The following COL5A2 variants were observed in gnomAD, a reference collection of about 807,000 sequenced individuals.
The protein encoded by COL5A2 is collagen alpha-2(V) chain.
COL5A2 carries 23 observed loss-of-function variants against 208.2 expected under a neutral mutation model. That is an observed-to-expected ratio of 0.11 (90% CI 0.08 to 0.16). The LOEUF (loss-of-function observed/expected upper bound fraction) is 0.16. Among genes scored for constraint, COL5A2 ranks in the 10% least tolerant of loss-of-function variants. The pLI is 1.00. For missense variants in COL5A2, 1,590 were observed against 1,956.4 expected, an observed-to-expected ratio of 0.81 and a Z score of 3.53; for synonymous variants, 625 against 628.5, an observed-to-expected ratio of 0.99 and a Z score of 0.08.
At chr2:189,172,260 T>C (rs1010874185) in intron 1 of COL5A2, among the ~76,000 whole-genome samples, 3 of 152,132 alleles carry the variant, frequency 2.0e-5, no homozygotes, top group African/African-American at 7.2e-5. Context: ...GCTGAAGTTA[T>C]AGAAAAGAGA....
intron 31 of COL5A2, among the ~76,000 whole-genome samples, chr2:189,059,659 T>G (rs1421824215): frequency 7.1e-6 from 1 of 141,244 alleles, no homozygotes; most frequent in Non-Finnish European, 1.5e-5. Context: ...AATGGTGGCA[T>G]GATCTTGGCT....
intron 1 of COL5A2, among the ~76,000 whole-genome samples, chr2:189,200,751 G>A (rs894473358): frequency 6.7e-6 from 1 of 148,646 alleles, no homozygotes. Flanking sequence ...ACATAATGAG[G>A]GAAAAAGAAT....
rs185769067 is a variant in COL5A2, at chr2:189,048,123, A to C, written c.3201+86T>G. Reference sequence around the variant, plus strand: ...AAATCAGAAGTGTATTGGAACTATCAGGAAAAATGACAGTTTTTAGTGTAA... The same window carrying C: ...AAATCAGAAGTGTATTGGAACTATCCGGAAAAATGACAGTTTTTAGTGTAA... On this transcript the variant is annotated intron_variant, in intron 45 of 53. Transcript: ENST00000374866. The C allele has an allele frequency of 2.4e-6, 3 of 1,240,446 alleles. 1 individual carries two copies. In the South Asian group the frequency reaches 3.7e-5, roughly 15 times the overall value. 76.8% of individuals were successfully genotyped at this position (1,240,446 alleles called of 1,614,324 possible). A position where few individuals can be genotyped will look rare whatever the true frequency, so the allele number is the denominator to read the frequency against.
chr2:189,294,920 C>T, the COL5A2 span, among the ~76,000 whole-genome samples: 2 of 152,148 alleles, frequency 1.3e-5, no homozygotes, highest in Non-Finnish European at 1.5e-5. Flanking sequence ...GATCCTCCCA[C>T]CTCAGCCTCC....
At chr2:189,075,094 A>G (rs962906650) in intron 17 of COL5A2, among the ~76,000 whole-genome samples, 2 of 152,174 alleles carry the variant, frequency 1.3e-5, no homozygotes, top group African/African-American at 4.8e-5. Context: ...TATCCTATGG[A>G]CAATGCTATA....
chr2:189,219,880 C>G (rs945670131), intron 1 of COL5A2, among the ~76,000 whole-genome samples: 2 of 152,010 alleles, frequency 1.3e-5, no homozygotes, highest in African/African-American at 2.4e-5. Context: ...AGTGCCCCCC[C>G]CCCACTCTTA....
rs371125581 is a variant in COL5A2 at position 189,066,403 on chromosome 2, G to A, written c.1550C>T (p.Pro517Leu). 1 of 1,613,916 alleles carries A rather than the reference G, an allele frequency of 6.2e-7. No homozygotes were observed. The highest frequency in any genetic ancestry group is 8.5e-7 in the Non-Finnish European group (1 of 1,179,824). Residue 517 changes from proline (P) to leucine (L), a missense_variant, in exon 23 of 54, where the codon CCA becomes CTA. Transcript: ENST00000374866. ...ATTTAAATTTACCCTTTCTCCCACT[G>A]GCCCTGGAGGACCAACTGTTCCTGG... ...GDPGTVGPPG[P>L]VGERGAPGNR...
chr2:189,189,896 T>C (rs987618625), intron 1 of COL5A2, among the ~76,000 whole-genome samples: 4 of 152,162 alleles, frequency 2.6e-5, no homozygotes, highest in Non-Finnish European at 4.4e-5. Context: ...ATTATACCGC[T>C]TAGAAATCAG....
the COL5A2 span, among the ~76,000 whole-genome samples, chr2:189,404,316 C>A: frequency 6.6e-6 from 1 of 152,170 alleles, no homozygotes; most frequent in African/African-American, 2.4e-5. Flanking sequence ...CTGAATAGAA[C>A]AGAAAGGCAA....
At chr2:189,077,869 C>G (rs1335019267) in intron 16 of COL5A2, among the ~76,000 whole-genome samples, 2 of 152,180 alleles carry the variant, frequency 1.3e-5, no homozygotes, top group African/African-American at 2.4e-5. Context: ...CAGTCCTTAA[C>G]TATCTAAAGC....
At chr2:189,245,443 T>C in the COL5A2 span, among the ~76,000 whole-genome samples, 2 of 152,022 alleles carry the variant, frequency 1.3e-5, no homozygotes, top group African/African-American at 2.4e-5. Context: ...ATGCCTACTA[T>C]ATCTGTTTTA....
the COL5A2 span, among the ~76,000 whole-genome samples, chr2:189,259,177 T>C: frequency 6.6e-6 from 1 of 152,274 alleles, no homozygotes; most frequent in East Asian, 1.9e-4. Flanking sequence ...GGCAGAACAG[T>C]GGCTACTGAA....
chr2:189,354,130 C>A, the COL5A2 span, among the ~76,000 whole-genome samples: 1 of 152,136 alleles, frequency 6.6e-6, no homozygotes, highest in East Asian at 1.9e-4. Context: ...GGGATGACAC[C>A]AACTTCCTCA....
At chr2:189,330,725 T>C in the COL5A2 span, among the ~76,000 whole-genome samples, 12 of 152,298 alleles carry the variant, frequency 7.9e-5, no homozygotes, top group East Asian at 2.3e-3. Context: ...AAGCTAGTGA[T>C]TAAATTAAGT....
chr2:189,185,992 T>C lies in COL5A2; in HGVS notation c.-42+39156A>G, dbSNP rs537171518. Among the ~76,000 whole-genome samples the C allele has an allele frequency of 2.0e-5, 3 of 152,126 alleles. No individual in the cohort carries two copies. In the South Asian group the frequency reaches 6.2e-4, roughly 32 times the overall value. ...AGGTGCATCTGTGCACATATATGCT[T>C]TGAAATAGCAAACCATAATTTTTTT... On this transcript the variant is annotated intron_variant, in intron 1 of 10. Transcript: ENST00000649966.
rs1685417133 is a variant in COL5A2 at position 189,035,101 on chromosome 2, A to T, written c.4168T>A (p.Leu1390Met). The T allele has an allele frequency of 6.2e-7, 1 of 1,613,754 alleles. No individual in the cohort carries two copies. The highest frequency in any genetic ancestry group is 8.5e-7 in the Non-Finnish European group (1 of 1,179,882). The part of the protein sequence containing the change: ...PNTAITQMTF[L>M]RLLSKEASQN... ...GAGGCTTCTTTTGATAAAAGGCGCA[A>T]AAAAGTCATCTGAGTAATGGCTGTA... The change falls in exon 53 of 54, where the codon TTG becomes ATG. Residue 1390 changes from leucine to methionine, a missense_variant. By Grantham distance (15) the Leu-to-Met change is conservative. Transcript: ENST00000374866.
At chr2:189,354,222 G>T in the COL5A2 span, among the ~76,000 whole-genome samples, 2 of 152,176 alleles carry the variant, frequency 1.3e-5, no homozygotes, top group African/African-American at 2.4e-5. Context: ...GTTCATCAGG[G>T]ATATTGGCCT....
the COL5A2 span, among the ~76,000 whole-genome samples, chr2:189,365,508 C>G: frequency 6.6e-6 from 1 of 152,180 alleles, no homozygotes; most frequent in African/African-American, 2.4e-5. Context: ...TGCCACTTGT[C>G]AGTTCTATGG....
intron 25 of COL5A2, 147 bp from the exon 26 acceptor site, chr2:189,064,180 AAATTTTTCAG>A (rs1202294010): frequency 1.2e-5 from 8 of 675,906 alleles, no homozygotes; most frequent in Non-Finnish European, 2.0e-5. Context: ...TGTATTGTTA[AAATTTTTCAG>A]AATTTCTCTG....
Sources: allele counts gnomAD v4.1 joint callset (sites outside exome capture counted in the v4.1 genomes callset), GRCh38; gene constraint gnomAD v4.1.1; transcripts MANE v1.5; gene names NCBI Gene and HGNC (gene_info 2026-07-23, HGNC 2026-07-21).